The following KNTC1 variants were observed in gnomAD, a reference collection of about 807,000 sequenced individuals.
KNTC1 encodes kinetochore-associated protein 1.
Under a neutral mutation model 314.4 loss-of-function variants are expected in KNTC1, and 253 were observed. The observed-to-expected ratio is 0.80, with a 90% confidence interval of 0.73 to 0.89. The LOEUF is 0.89. Ranked by LOEUF, KNTC1 falls within the 40% of genes least tolerant of loss-of-function variation. The pLI, the probability that KNTC1 is intolerant of heterozygous loss-of-function variation, is 0.00. For missense variants in KNTC1, 2,475 were observed against 2,572.9 expected, an observed-to-expected ratio of 0.96 and a Z score of 0.82; for synonymous variants, 901 against 901.4, an observed-to-expected ratio of 1.00 and a Z score of 0.01.
intron 42 of KNTC1, among the ~76,000 whole-genome samples, chr12:122,591,981 C>T (rs1272267120): frequency 6.6e-6 from 1 of 152,194 alleles, no homozygotes; most frequent in Non-Finnish European, 1.5e-5. Context: ...TTGGGCTGGC[C>T]AAGGCCAGAG....
At chr12:122,617,845 C>T (rs1314110147) in intron 57 of KNTC1, among the ~76,000 whole-genome samples, 2 of 152,154 alleles carry the variant, frequency 1.3e-5, no homozygotes, top group African/African-American at 2.4e-5. Context: ...TCCGTATCAG[C>T]GCATAGCGAT....
At chr12:122,613,370 A>G (rs1873393630) in intron 54 of KNTC1, 140 bp downstream of exon 54, 1 of 685,854 alleles carries the variant, frequency 1.5e-6, no homozygotes, top group East Asian at 2.7e-5. Flanking sequence ...TATCCTTGAC[A>G]TTTTGGCAAA....
intron 57 of KNTC1, among the ~76,000 whole-genome samples, chr12:122,616,008 G>C (rs1361555893): frequency 6.6e-6 from 1 of 152,044 alleles, no homozygotes; most frequent in Non-Finnish European, 1.5e-5. Flanking sequence ...ATGTTGGACT[G>C]CCCCTCACAG....
At position 122,576,952 on chromosome 12, in the gene KNTC1, A is replaced by G; in HGVS notation, c.2644A>G (p.Lys882Glu). Residue 882 changes from lysine to glutamate, a missense_variant, in exon 30 of 64, where the codon AAG becomes GAG. Coordinates refer to ENST00000333479, the MANE Select transcript of KNTC1 (RefSeq NM_014708.6). The part of the protein sequence containing the change: ...DVPSSLEDAL[K>E]VAQAFMLSDD... ...CCCATCTTCTTTAGAAGATGCTTTA[A>G]AGGTAGCCCAAGCGTTTATGTTATC... is the stretch of plus-strand genomic sequence containing the variant. 6.2e-7 allele frequency: 1 copy of G among 1,600,692 alleles called. No homozygotes were observed. Among genetic ancestry groups the G allele is most frequent in the Non-Finnish European group, 8.5e-7 (1 of 1,172,122 alleles).
chr12:122,530,643 G>A (rs966938881), intron 2 of KNTC1, among the ~76,000 whole-genome samples: 2 of 151,854 alleles, frequency 1.3e-5, no homozygotes, highest in Admixed American at 6.6e-5. Context: ...TAAAGATGGG[G>A]TTTCTCCATG....
At chr12:122,609,144 C>G (rs1196869370) in intron 51 of KNTC1, 4 of 450,358 alleles carry the variant, frequency 8.9e-6, no homozygotes, top group Non-Finnish European at 1.6e-5. Context: ...CTCAGGCAAT[C>G]TATATACTTA....
At chr12:122,620,668 C>G in intron 60 of KNTC1, 60 bp downstream of exon 60, 1 of 1,561,720 alleles carries the variant, frequency 6.4e-7, no homozygotes, top group Admixed American at 1.8e-5. Flanking sequence ...TCTTGCATGT[C>G]CCTTGCAAAA....
At chr12:122,544,400 A>G in intron 8 of KNTC1, 131 bp downstream of exon 8, 1 of 539,692 alleles carries the variant, frequency 1.9e-6, no homozygotes, top group Non-Finnish European at 3.2e-6. Context: ...AATTAAGGTA[A>G]TTAAAAATAA....
chr12:122,620,360 A>C (rs1874290874), intron 59 of KNTC1, 119 bp from the exon 60 acceptor site: 1 of 799,406 alleles, frequency 1.3e-6, no homozygotes. Flanking sequence ...ATGCACCAGC[A>C]CTTTAGTGTT....
intron 43 of KNTC1, 61 bp from the exon 44 acceptor site, chr12:122,597,670 A>G (rs1871244988): frequency 2.2e-6 from 3 of 1,381,384 alleles, no homozygotes; most frequent in East Asian, 2.3e-5. Context: ...GTTTTGTCAG[A>G]TACTTTGCAT....
intron 26 of KNTC1, among the ~76,000 whole-genome samples, chr12:122,573,521 A>C (rs1964830225): frequency 6.6e-6 from 1 of 152,150 alleles, no homozygotes; most frequent in Admixed American, 6.6e-5. Context: ...TAGGGAGTTT[A>C]TTTTGCCAAA....
At chr12:122,591,914 A>C (rs1870257296) in intron 42 of KNTC1, among the ~76,000 whole-genome samples, 2 of 152,136 alleles carry the variant, frequency 1.3e-5, no homozygotes, top group Non-Finnish European at 2.9e-5. Context: ...CTGGGCTCCC[A>C]CTTTGGCGGC....
chr12:122,542,048 A>G lies in KNTC1; in HGVS notation c.446-2A>G. 1 of 1,518,950 alleles carries G rather than the reference A, an allele frequency of 6.6e-7. No individual in the cohort carries two copies. Among genetic ancestry groups the G allele is most frequent in the Non-Finnish European group, 8.9e-7 (1 of 1,129,186 alleles). The allele number at this position is 1,518,950 out of a possible 1,614,324, so 94.1% of individuals were successfully genotyped here. On this transcript the variant is annotated splice_acceptor_variant, in intron 5 of 63. Coordinates refer to ENST00000333479, the MANE Select transcript of KNTC1 (RefSeq NM_014708.6). LOFTEE classifies it high-confidence loss of function. ...AAACTGATTCTGATTTTATTTCAATAGGTACCTATTATATGCTACTTCTTA... is the reference window on the plus strand; with the variant it reads ...AAACTGATTCTGATTTTATTTCAATGGGTACCTATTATATGCTACTTCTTA...
chr12:122,557,453 CAG>C lies in KNTC1; in HGVS notation c.1344_1345del (p.Gln448HisfsTer11), dbSNP rs761792333. 3.1e-6 allele frequency: 5 copies of C among 1,613,690 alleles called. No homozygotes were observed. Among genetic ancestry groups the C allele is most frequent in the Non-Finnish European group, 4.2e-6 (5 of 1,179,676 alleles). Reference sequence around the variant, plus strand: ...ATTGAGTTCTGTGGATGCCAGTGAACAGACCGAATGGCAACAACTTGTAGACG... The same window carrying C: ...ATTGAGTTCTGTGGATGCCAGTGAACACCGAATGGCAACAACTTGTAGACG... ...LALSSVDASE[Q>X]TEWQQLVDDA... On this transcript the variant is annotated frameshift_variant, in exon 17 of 64. Transcript: ENST00000333479. LOFTEE classifies it high-confidence loss of function.
At chr12:122,599,362 A>AT (rs777228416) in intron 44 of KNTC1, among the ~76,000 whole-genome samples, 3 of 52,182 alleles carry the variant, frequency 5.7e-5, no homozygotes, top group African/African-American at 3.5e-4. Flanking sequence ...CAGGGAAAAA[A>AT]ATTTTTTTTT....
chr12:122,584,171 A>G, intron 34 of KNTC1, 107 bp from the exon 35 acceptor site: 1 of 797,948 alleles, frequency 1.3e-6, no homozygotes, highest in Non-Finnish European at 2.1e-6. Flanking sequence ...AACATTTAAA[A>G]GACATTTAAT....
In KNTC1 at chr12:122,542,060, T is replaced by G. The variant is rs538391032; in HGVS notation, c.456T>G (p.Tyr152Ter). ...EKDGSNEGTY[Y>*]MLLLTYSGFF... ...ATTTTATTTCAATAGGTACCTATTA[T>G]ATGCTACTTCTTACATACAGTGGAT... Residue 152 changes from tyrosine to a stop codon, truncating the protein, a stop_gained, in exon 6 of 64, where the codon TAT (tyrosine) becomes TAG (stop). Coordinates refer to ENST00000333479, the MANE Select transcript of KNTC1 (RefSeq NM_014708.6). LOFTEE classifies it high-confidence loss of function. The G allele has an allele frequency of 6.5e-7, 1 of 1,536,142 alleles. No individual in the cohort carries two copies. Among genetic ancestry groups the G allele is most frequent in the Admixed American group, 2.0e-5 (1 of 49,750 alleles).
chr12:122,563,757 T>G, intron 20 of KNTC1: 3 of 1,443,368 alleles, frequency 2.1e-6, no homozygotes, highest in Non-Finnish European at 2.7e-6. Context: ...GATCTGGCTC[T>G]TCTTGTAACG....
chr12:122,606,249 ACAGAGTCTTACTCTGTCATC>A (rs1159724765), intron 51 of KNTC1, among the ~76,000 whole-genome samples: 15 of 120,066 alleles, frequency 1.2e-4, no homozygotes, highest in African/African-American at 3.3e-4. Flanking sequence ...TTTTTTGGAT[ACAGAGTCTTACTCTGTCATC>A]CAGTCTGGAG....
Sources: allele counts gnomAD v4.1 joint callset (sites outside exome capture counted in the v4.1 genomes callset), GRCh38; gene constraint gnomAD v4.1.1; transcripts MANE v1.5; gene names NCBI Gene and HGNC (gene_info 2026-07-23, HGNC 2026-07-21).